Variants in OPCML observed in about 807,000 individuals in gnomAD.
OPCML encodes opioid binding protein/cell adhesion molecule like, also known as opioid-binding protein/cell adhesion molecule.
OPCML carries 13 observed loss-of-function variants against 37.8 expected under a neutral mutation model. The observed-to-expected ratio is 0.34, with a 90% CI of 0.22 to 0.55. The LOEUF is 0.55. OPCML is among the 20% of genes least tolerant of loss of function. The pLI is 0.91. For synonymous variants in OPCML, 176 were observed against 168.8 expected, an observed-to-expected ratio of 1.04 and a Z score of -0.33; for missense variants, 341 against 435.6, an observed-to-expected ratio of 0.78 and a Z score of 1.93.
chr11:133,385,572 C>T (rs1565606612), intron 1 of OPCML, among the ~76,000 whole-genome samples: 3 of 152,198 alleles, frequency 2.0e-5, no homozygotes, highest in Middle Eastern at 3.4e-3. Flanking sequence ...TAGGTTGCCA[C>T]GCTGTTCCAG....
chr11:133,126,159 G>T (rs1949511860), intron 1 of OPCML, among the ~76,000 whole-genome samples: 1 of 151,892 alleles, frequency 6.6e-6, no homozygotes, highest in Admixed American at 6.6e-5. Context: ...GCCACGTTCT[G>T]TTGGAGAACC....
chr11:133,383,160 G>C (rs372146010), intron 1 of OPCML, among the ~76,000 whole-genome samples: 2 of 151,806 alleles, frequency 1.3e-5, no homozygotes, highest in Non-Finnish European at 2.9e-5. Context: ...CAGGTCTCAC[G>C]CCTCATCAAT....
chr11:132,988,862 A>G (rs954482712), intron 1 of OPCML, among the ~76,000 whole-genome samples: 2 of 152,208 alleles, frequency 1.3e-5, no homozygotes, highest in Non-Finnish European at 2.9e-5. Context: ...AACTTCTAAT[A>G]ATAAGTCAAT....
intron 3 of OPCML, among the ~76,000 whole-genome samples, chr11:132,608,534 C>T (rs1395921162): frequency 6.6e-6 from 1 of 152,176 alleles, no homozygotes; most frequent in Non-Finnish European, 1.5e-5. Flanking sequence ...AACCCAGACT[C>T]CAGGGTGTCA....
At chr11:133,063,124 T>G (rs561569212) in intron 1 of OPCML, among the ~76,000 whole-genome samples, 1 of 152,196 alleles carries the variant, frequency 6.6e-6, no homozygotes, top group East Asian at 1.9e-4. Context: ...GCCTTCGCAG[T>G]GTAAGTTTAG....
rs538140160 is a variant in OPCML, at chr11:132,436,290, C to G, written c.765-53G>C. On this transcript the variant is annotated intron_variant, in intron 6 of 7. Coordinates refer to ENST00000524381, the MANE Select transcript of OPCML (RefSeq NM_001012393.5). ...TTCATTCTACAAAGAGGCCCTCCTC[C>G]TCACCAAACTCTTTTCTCCAACTAA... 235 of 1,612,178 alleles carry G rather than the reference C, an allele frequency of 1.5e-4. 1 individual carries two copies. In the East Asian group the frequency reaches 5.2e-3, roughly 36 times the overall value.
intron 2 of OPCML, among the ~76,000 whole-genome samples, chr11:132,703,617 G>A (rs1475554626): frequency 1.3e-5 from 2 of 152,212 alleles, no homozygotes; most frequent in Non-Finnish European, 2.9e-5. Flanking sequence ...GAGTTCTTGG[G>A]TGGAATGATC....
intron 1 of OPCML, among the ~76,000 whole-genome samples, chr11:133,080,040 G>A (rs1194672777): frequency 6.6e-6 from 1 of 152,156 alleles, no homozygotes; most frequent in African/African-American, 2.4e-5. Context: ...AGAGAGTTGG[G>A]AACAGAGCAA....
At chr11:133,021,013 C>T (rs1028163959) in intron 1 of OPCML, among the ~76,000 whole-genome samples, 1 of 152,148 alleles carries the variant, frequency 6.6e-6, no homozygotes, top group African/African-American at 2.4e-5. Flanking sequence ...CACACATGCA[C>T]CCTGGCTCAT....
intron 2 of OPCML, among the ~76,000 whole-genome samples, chr11:132,936,876 G>A (rs926191467): frequency 2.0e-5 from 3 of 152,098 alleles, no homozygotes; most frequent in Admixed American, 2.0e-4. Context: ...ACATGAGCAA[G>A]AGCGGCTTCA....
At chr11:133,392,127 C>T (rs995809735) in intron 1 of OPCML, among the ~76,000 whole-genome samples, 4 of 152,044 alleles carry the variant, frequency 2.6e-5, no homozygotes, top group African/African-American at 9.7e-5. Context: ...TGAGTGTTTA[C>T]CATATGGCAG....
At chr11:133,090,145 C>A (rs1948881963) in intron 1 of OPCML, among the ~76,000 whole-genome samples, 3 of 152,172 alleles carry the variant, frequency 2.0e-5, no homozygotes, top group Admixed American at 1.3e-4. Flanking sequence ...TCCGCCCTTA[C>A]TACTTAGACA....
At chr11:132,888,860 A>C (rs75282780) in intron 2 of OPCML, among the ~76,000 whole-genome samples, 1 of 43,370 alleles carries the variant, frequency 2.3e-5, no homozygotes, top group African/African-American at 6.9e-5. Flanking sequence ...TTTTACAACA[A>C]AAAAAAAAAA....
At chr11:133,417,789 T>G (rs1191154378) in intron 1 of OPCML, among the ~76,000 whole-genome samples, 2 of 151,866 alleles carry the variant, frequency 1.3e-5, no homozygotes, top group South Asian at 2.1e-4. Flanking sequence ...TACTAAATTC[T>G]ATGCCTTGTG....
chr11:132,695,631 A>G (rs1425092688), intron 2 of OPCML, among the ~76,000 whole-genome samples: 1 of 152,194 alleles, frequency 6.6e-6, no homozygotes, highest in Non-Finnish European at 1.5e-5. Context: ...TATTTATGTA[A>G]TGACACAAAA....
At chr11:132,774,438 G>A (rs1946746244) in intron 2 of OPCML, among the ~76,000 whole-genome samples, 1 of 152,154 alleles carries the variant, frequency 6.6e-6, no homozygotes, top group Non-Finnish European at 1.5e-5. Context: ...AATGGTCAGT[G>A]TTACAAATGA....
At position 133,169,139 on chromosome 11, in the gene OPCML, TACATAA is replaced by T. The variant is rs1347911027; in HGVS notation, c.62-226135_62-226130del. Reference sequence around the variant, plus strand: ...GCAAGACTCCATCTCAAAAAATAAATACATAAATAAAAATTTAAAAAGTAACTATAG... The same window carrying T: ...GCAAGACTCCATCTCAAAAAATAAATATAAAAATTTAAAAAGTAACTATAG... On this transcript the variant is annotated intron_variant, in intron 1 of 7. Transcript: ENST00000524381. Among the ~76,000 whole-genome samples the T allele has an allele frequency of 3.3e-5, 5 of 152,036 alleles. No individual in the cohort carries two copies. The East Asian group carries it at 9.6e-4, about 29-fold the overall frequency.
chr11:133,100,530 C>T (rs961534271), intron 1 of OPCML, among the ~76,000 whole-genome samples: 1 of 152,026 alleles, frequency 6.6e-6, no homozygotes, highest in African/African-American at 2.4e-5. Context: ...AGGAGAAAAA[C>T]AAAGTTGGAG....
chr11:133,113,130 C>CCTTT (rs1949282223), intron 1 of OPCML, among the ~76,000 whole-genome samples: 1 of 152,158 alleles, frequency 6.6e-6, no homozygotes, highest in Admixed American at 6.5e-5. Flanking sequence ...TCCTACTTAT[C>CCTTT]ATGCAAAAAA....
Sources: allele counts gnomAD v4.1 joint callset (sites outside exome capture counted in the v4.1 genomes callset), GRCh38; gene constraint gnomAD v4.1.1; transcripts MANE v1.5; gene names NCBI Gene and HGNC (gene_info 2026-07-23, HGNC 2026-07-21).